The following TMEM245 variants were observed in gnomAD, a reference collection of about 807,000 sequenced individuals.
TMEM245 encodes protein CG-2.
Under a neutral mutation model 101.2 loss-of-function variants are expected in TMEM245, and 69 were observed. The observed-to-expected ratio is 0.68, with a 90% confidence interval of 0.56 to 0.83. The LOEUF (loss-of-function observed/expected upper bound fraction) is 0.83, where lower values mean the gene tolerates loss of function less well. Among genes scored for constraint, TMEM245 ranks in the 40% least tolerant of loss-of-function variants. TMEM245 has a pLI of 0.00. For synonymous variants in TMEM245, 537 were observed against 449.8 expected (o/e 1.19, Z -2.45); for missense variants, 1,075 against 1,092.8 (o/e 0.98, Z 0.23).
At chr9:109,118,152 T>A (rs2132689943) in intron 1 of TMEM245, among the ~76,000 whole-genome samples, 1 of 152,342 alleles carries the variant, frequency 6.6e-6, no homozygotes, top group South Asian at 2.1e-4. Context: ...AGTCCTTTTT[T>A]AAACCTCTCA....
rs1034818875 is a variant in TMEM245, at chr9:109,115,423, T to C, written c.579+3912A>G. 2.0e-5 allele frequency among the ~76,000 whole-genome samples: 3 copies of C among 149,400 alleles called. No homozygotes were observed. In the South Asian group the frequency reaches 6.4e-4, roughly 32 times the overall value. ...AATTGATGGGACCTGGAAAACTGCA[T>C]AGATATAAAAATAAAAGGGAAGAAA... On this transcript the variant is annotated intron_variant, in intron 1 of 17. Transcript: ENST00000374586.
rs915369773 is a variant in TMEM245, at chr9:109,018,306, C to T, written c.*2154G>A. The T allele has an allele frequency of 6.6e-6, 1 of 152,156 alleles. No individual in the cohort carries two copies. Among genetic ancestry groups the T allele is most frequent in the African/African-American group, 2.4e-5 (1 of 41,428 alleles). 9.4% of individuals were successfully genotyped at this position (152,156 alleles called of 1,614,324 possible). On this transcript the variant is annotated 3_prime_UTR_variant, in exon 18 of 18. Transcript: ENST00000374586. ...TGCAAAAAATTTAAATTTAGTATTA[C>T]ATATGATCTGGCTAAGAGCAAGAGG...
rs1264574744 is a variant in TMEM245 at position 109,015,335 on chromosome 9, G to T, written c.*5125C>A. 2 of 152,108 alleles carry T rather than the reference G, an allele frequency of 1.3e-5. No homozygotes were observed. Among genetic ancestry groups the T allele is most frequent in the Non-Finnish European group, 2.9e-5 (2 of 68,026 alleles). 9.4% of individuals were successfully genotyped at this position (152,108 alleles called of 1,614,324 possible). On this transcript the variant is annotated 3_prime_UTR_variant, in exon 18 of 18. Coordinates refer to ENST00000374586, the MANE Select transcript of TMEM245 (RefSeq NM_032012.4). Reference sequence around the variant, plus strand: ...TGCCTCCTTCACCTGAGAACCCAGGGATGATACATTTTCAAAGAGTTATGT... The same window carrying T: ...TGCCTCCTTCACCTGAGAACCCAGGTATGATACATTTTCAAAGAGTTATGT...
rs199543715 is a variant in TMEM245, at chr9:109,118,443, G to GT, written c.579+891dup. Among the ~76,000 whole-genome samples the GT allele has an allele frequency of 2.5e-3, 379 of 152,270 alleles. 10 individuals carry two copies. Among genetic ancestry groups the GT allele is most frequent in the Admixed American group, 0.022 (336 of 15,294 alleles). The stretch of plus-strand genomic sequence containing the variant: ...ATTCTTACGCACTAAATCTCCACTT[G>GT]TTTTTAACAGTCTCCAGTTAAATAT... On this transcript the variant is annotated intron_variant, in intron 1 of 17. Coordinates refer to ENST00000374586, the MANE Select transcript of TMEM245 (RefSeq NM_032012.4).
intron 8 of TMEM245, among the ~76,000 whole-genome samples, chr9:109,074,115 C>T (rs1829422996): frequency 6.6e-6 from 1 of 152,036 alleles, no homozygotes; most frequent in African/African-American, 2.4e-5. Context: ...CCACCTTGGC[C>T]TCCCAAAGTG....
chr9:109,086,854 C>T (rs1417802876), intron 6 of TMEM245, among the ~76,000 whole-genome samples: 1 of 152,188 alleles, frequency 6.6e-6, no homozygotes, highest in African/African-American at 2.4e-5. Flanking sequence ...CTAAACTGAG[C>T]CACTACCTAG....
intron 17 of TMEM245, among the ~76,000 whole-genome samples, chr9:109,029,826 G>A (rs917385264): frequency 6.6e-6 from 1 of 152,178 alleles, no homozygotes; most frequent in Non-Finnish European, 1.5e-5. Context: ...TGCCTGGTGC[G>A]ACTGAACATA....
intron 14 of TMEM245, among the ~76,000 whole-genome samples, chr9:109,040,426 C>T (rs1378171678): frequency 6.6e-6 from 1 of 152,168 alleles, no homozygotes; most frequent in Non-Finnish European, 1.5e-5. Context: ...CATTCTATAA[C>T]CATCATTACA....
At chr9:109,031,820 A>G (rs1328455081) in intron 17 of TMEM245, among the ~76,000 whole-genome samples, 8 of 152,260 alleles carry the variant, frequency 5.3e-5, no homozygotes, top group Admixed American at 2.0e-4. Flanking sequence ...AAAAATTTTC[A>G]AACATTATAA....
At chr9:109,065,543 T>C (rs1289143260) in intron 9 of TMEM245, among the ~76,000 whole-genome samples, 9 of 152,174 alleles carry the variant, frequency 5.9e-5, no homozygotes, top group Non-Finnish European at 1.5e-5. Flanking sequence ...AAGTTCCAAC[T>C]ATGCAAGGAA....
chr9:109,061,007 T>C (rs1024465647), intron 10 of TMEM245, among the ~76,000 whole-genome samples: 2 of 152,216 alleles, frequency 1.3e-5, no homozygotes, highest in South Asian at 4.1e-4. Flanking sequence ...GCTATCATTA[T>C]AAAATGTTGT....
Position 109,015,764 on chromosome 9 carries a change from G to C in TMEM245, c.*4696C>G, listed in dbSNP as rs564102574. ...CCATCTGTACAATAAGGATAATATT[G>C]TCTGTCTCACAGGGCTGTTACAAAA... On this transcript the variant is annotated 3_prime_UTR_variant, in exon 18 of 18. Transcript: ENST00000374586. The C allele has an allele frequency of 6.6e-6, 1 of 152,546 alleles. No homozygotes were observed. The highest frequency in any genetic ancestry group is 2.4e-5 in the African/African-American group (1 of 41,522). 9.4% of individuals were successfully genotyped at this position (152,546 alleles called of 1,614,324 possible). A position where few individuals can be genotyped will look rare whatever the true frequency, so the allele number is the denominator to read the frequency against.
intron 8 of TMEM245, among the ~76,000 whole-genome samples, chr9:109,080,572 G>A (rs999809170): frequency 6.6e-6 from 1 of 151,948 alleles, no homozygotes; most frequent in African/African-American, 2.4e-5. Context: ...AGCGCCACTT[G>A]TTCTTCATTA....
rs574769898 is a variant in TMEM245, at chr9:109,036,458, T to C, written c.2225-78A>G. 28 of 1,350,000 alleles carry C rather than the reference T, an allele frequency of 2.1e-5. No individual in the cohort carries two copies. The African/African-American group carries it at 3.7e-4, about 18-fold the overall frequency. The allele number at this position is 1,350,000 out of a possible 1,614,324, so 83.6% of individuals were successfully genotyped here. A position where few individuals can be genotyped will look rare whatever the true frequency, so the allele number is the denominator to read the frequency against. ...AAAGCAAAAGAATCTAAGCAGTAGC[T>C]CCTCCTCAACAACTTCCAACAAAAC... On this transcript the variant is annotated intron_variant, in intron 15 of 17. Transcript: ENST00000374586.
At position 109,016,483 on chromosome 9, in the gene TMEM245, G is replaced by A. The variant is rs1399614253; in HGVS notation, c.*3977C>T. The A allele has an allele frequency of 2.0e-5, 3 of 152,184 alleles. No homozygotes were observed. Among genetic ancestry groups the A allele is most frequent in the Non-Finnish European group, 4.4e-5 (3 of 68,026 alleles). 9.4% of individuals were successfully genotyped at this position (152,184 alleles called of 1,614,324 possible). A position where few individuals can be genotyped will look rare whatever the true frequency, so the allele number is the denominator to read the frequency against. ...ACTAACTGGCTGTATGTGTATGTCA[G>A]ACAAGCCACTTAAACCTATGAATTT... On this transcript the variant is annotated 3_prime_UTR_variant, in exon 18 of 18. Transcript: ENST00000374586.
rs760394045 is a variant in TMEM245 at position 109,073,417 on chromosome 9, T to A, written c.1471A>T (p.Met491Leu). The change falls in exon 9 of 18, where the codon ATG becomes TTG. Residue 491 changes from methionine to leucine, a missense_variant. Transcript: ENST00000374586. ...ATCAAATTACTTGTGACTTCAATCA[T>A]GTGTACACTCTCTTGATGTACCTGT... Reference protein sequence around the residue: ...TAKVHQESVHMIEVTSNLINE... With the variant: ...TAKVHQESVHLIEVTSNLINE... The A allele has an allele frequency of 1.9e-6, 3 of 1,611,584 alleles. No homozygotes were observed. The highest frequency in any genetic ancestry group is 1.7e-6 in the Non-Finnish European group (2 of 1,178,646).
At chr9:109,064,851 G>A (rs916799171) in intron 9 of TMEM245, among the ~76,000 whole-genome samples, 35 of 152,036 alleles carry the variant, frequency 2.3e-4, no homozygotes, top group Admixed American at 1.4e-3. Flanking sequence ...GCACGATCTC[G>A]GCTCGGTGCA....
At chr9:109,118,208 C>T (rs1564217631) in intron 1 of TMEM245, among the ~76,000 whole-genome samples, 1 of 152,136 alleles carries the variant, frequency 6.6e-6, no homozygotes, top group Admixed American at 6.6e-5. Flanking sequence ...TAAACATGAA[C>T]CAAGAGGTGG....
intron 6 of TMEM245, 62 bp downstream of exon 6, chr9:109,087,111 A>C (rs886966069): frequency 6.9e-7 from 1 of 1,449,328 alleles, no homozygotes; most frequent in Non-Finnish European, 9.2e-7. Context: ...TAGAATGGAA[A>C]AGTTCAAACC....
Sources: gnomAD v4.1 joint callset for allele counts (sites outside exome capture counted in the v4.1 genomes callset) on GRCh38, gnomAD v4.1.1 for gene constraint, MANE v1.5 for transcripts, NCBI Gene and HGNC (gene_info 2026-07-23, HGNC 2026-07-21) for gene names.